EXOC6: variants seen among roughly 807,000 people sequenced by gnomAD.
EXOC6 encodes SEC15-like 1.
A neutral mutation model predicts 112.5 loss-of-function variants in EXOC6; 60 were observed. That is an observed-to-expected ratio of 0.53 (90% CI 0.43 to 0.66). The LOEUF (loss-of-function observed/expected upper bound fraction) is 0.66, where lower values mean the gene tolerates loss of function less well. EXOC6 is among the 30% of genes least tolerant of loss of function. EXOC6 has a pLI of 0.00. For missense variants in EXOC6, 855 were observed against 957.1 expected (o/e 0.89, Z 1.41); for synonymous variants, 295 against 308.0 (o/e 0.96, Z 0.44).
At chr10:92,859,016 C>A (rs565109216) in intron 1 of EXOC6, among the ~76,000 whole-genome samples, 3 of 152,212 alleles carry the variant, frequency 2.0e-5, no homozygotes, top group African/African-American at 7.2e-5. Context: ...CCACCTGCAT[C>A]GGCCTCCCAG....
intron 20 of EXOC6, among the ~76,000 whole-genome samples, chr10:93,018,243 G>A (rs952965720): frequency 1.3e-5 from 2 of 151,884 alleles, no homozygotes; most frequent in African/African-American, 4.8e-5. Flanking sequence ...GGGAAATATG[G>A]ATATTAGATA....
At chr10:92,935,475 A>G (rs1172244430) in intron 11 of EXOC6, among the ~76,000 whole-genome samples, 2 of 152,130 alleles carry the variant, frequency 1.3e-5, no homozygotes, top group African/African-American at 4.8e-5. Context: ...AAAAAGTAAT[A>G]CATAGTGTCT....
intron 19 of EXOC6, among the ~76,000 whole-genome samples, chr10:93,008,489 T>C (rs1844096352): frequency 6.6e-6 from 1 of 152,166 alleles, no homozygotes; most frequent in South Asian, 2.1e-4. Flanking sequence ...ATTTTAAAGA[T>C]GGTCCAAGGG....
At chr10:92,952,769 G>T (rs1239480333) in intron 15 of EXOC6, among the ~76,000 whole-genome samples, 1 of 152,126 alleles carries the variant, frequency 6.6e-6, no homozygotes, top group Non-Finnish European at 1.5e-5. Context: ...TTGCTGCAAA[G>T]GACATGATTT....
In EXOC6 at chr10:93,018,393, A is replaced by C. The variant is rs148945942; in HGVS notation, c.2169+4126A>C. On this transcript the variant is annotated intron_variant, in intron 20 of 21. Coordinates refer to ENST00000260762, the MANE Select transcript of EXOC6 (RefSeq NM_019053.6). The stretch of plus-strand genomic sequence containing the variant: ...ATAAGTTATACATGTTTTCAAAAAA[A>C]CATTAGAATATACAAAAAAGTAGAA... 2.8e-3 allele frequency among the ~76,000 whole-genome samples: 424 copies of C among 152,342 alleles called. 2 individuals are homozygous for C. Among genetic ancestry groups the C allele is most frequent in the African/African-American group, 9.8e-3 (407 of 41,568 alleles).
At chr10:92,849,280 G>C (rs1847211259) in intron 1 of EXOC6, among the ~76,000 whole-genome samples, 1 of 152,194 alleles carries the variant, frequency 6.6e-6, no homozygotes, top group Admixed American at 6.5e-5. Flanking sequence ...CCCTGCGCTC[G>C]CGGGATCTAA....
At chr10:93,054,294 T>C (rs898936043) in intron 20 of EXOC6, among the ~76,000 whole-genome samples, 1 of 152,218 alleles carries the variant, frequency 6.6e-6, no homozygotes, top group Non-Finnish European at 1.5e-5. Flanking sequence ...GGAGTCAATA[T>C]ATGTTGAATA....
At chr10:92,956,271 T>C (rs1370147412) in intron 17 of EXOC6, among the ~76,000 whole-genome samples, 1 of 152,108 alleles carries the variant, frequency 6.6e-6, no homozygotes, top group Admixed American at 6.5e-5. Flanking sequence ...TTTGGAGTCA[T>C]AGATGAGACA....
At chr10:92,904,838 T>A (rs182045991) in intron 5 of EXOC6, among the ~76,000 whole-genome samples, 1 of 152,176 alleles carries the variant, frequency 6.6e-6, no homozygotes, top group Admixed American at 6.5e-5. Flanking sequence ...CCTCATGCAT[T>A]GTGCTTTGGT....
intron 17 of EXOC6, among the ~76,000 whole-genome samples, chr10:92,965,799 A>T (rs1246218956): frequency 6.6e-6 from 1 of 152,190 alleles, no homozygotes; most frequent in Non-Finnish European, 1.5e-5. Context: ...AGCTATAAAG[A>T]TCAGACACAT....
At chr10:92,873,334 A>G (rs1848537593) in intron 1 of EXOC6, among the ~76,000 whole-genome samples, 1 of 152,230 alleles carries the variant, frequency 6.6e-6, no homozygotes, top group Non-Finnish European at 1.5e-5. Context: ...TGTCAGTAAT[A>G]CAGAATGTCA....
At chr10:93,013,901 T>C (rs1844375232) in intron 19 of EXOC6, among the ~76,000 whole-genome samples, 1 of 152,206 alleles carries the variant, frequency 6.6e-6, no homozygotes, top group Non-Finnish European at 1.5e-5. Flanking sequence ...CTTTACTTGA[T>C]TGAAGTACGT....
At chr10:92,883,293 T>C (rs1849053274) in intron 1 of EXOC6, among the ~76,000 whole-genome samples, 1 of 152,220 alleles carries the variant, frequency 6.6e-6, no homozygotes, top group Non-Finnish European at 1.5e-5. Flanking sequence ...ATGATTTTAA[T>C]AGCTTTTGGT....
At chr10:92,898,317 C>T (rs1305211815) in intron 4 of EXOC6, among the ~76,000 whole-genome samples, 1 of 150,756 alleles carries the variant, frequency 6.6e-6, no homozygotes, top group Non-Finnish European at 1.5e-5. Flanking sequence ...GTGGTTCTAA[C>T]TACTGGGGAG....
At chr10:93,046,366 T>G (rs1846001032) in intron 20 of EXOC6, among the ~76,000 whole-genome samples, 1 of 152,164 alleles carries the variant, frequency 6.6e-6, no homozygotes, top group Non-Finnish European at 1.5e-5. Context: ...TAACCTCTAA[T>G]GTCAATATAC....
At chr10:92,892,449 A>G (rs528297198) in intron 1 of EXOC6, among the ~76,000 whole-genome samples, 12 of 152,344 alleles carry the variant, frequency 7.9e-5, no homozygotes. Flanking sequence ...GAGTTTGGTC[A>G]TATAGCCATG....
intron 18 of EXOC6, among the ~76,000 whole-genome samples, chr10:92,992,145 C>T (rs775713192): frequency 7.3e-5 from 11 of 151,570 alleles, no homozygotes; most frequent in East Asian, 1.9e-4. Flanking sequence ...AAAAATTAGC[C>T]GGGCATGATG....
chr10:92,848,561 A>G lies in EXOC6; in HGVS notation c.28A>G (p.Thr10Ala). Reference protein sequence around the residue: MAENSESLGTVPEHERILQE... With the variant: MAENSESLGAVPEHERILQE... Reference sequence around the variant, plus strand: ...GGCGGAGAACAGCGAGAGTCTGGGCACCGTCCCCGAGCACGAGCGGATCTT... The same window carrying G: ...GGCGGAGAACAGCGAGAGTCTGGGCGCCGTCCCCGAGCACGAGCGGATCTT... Residue 10 changes from threonine to alanine, a missense_variant, in exon 1 of 22, where the codon ACC (threonine) becomes GCC (alanine). Around this residue, in one of 2 missense-constraint regions of EXOC6, gnomAD observed 405 missense variants for 393.6 expected, o/e 1.03. Coordinates refer to ENST00000260762, the MANE Select transcript of EXOC6 (RefSeq NM_019053.6). 3.5e-6 allele frequency: 5 copies of G among 1,432,954 alleles called. No individual in the cohort carries two copies. The South Asian group carries it at 4.9e-5, about 14-fold the overall frequency. The allele number at this position is 1,432,954 out of a possible 1,614,324, so 88.8% of individuals were successfully genotyped here. A position where few individuals can be genotyped will look rare whatever the true frequency, so the allele number is the denominator to read the frequency against.
intron 1 of EXOC6, among the ~76,000 whole-genome samples, chr10:92,885,895 G>A (rs987140286): frequency 2.0e-5 from 3 of 151,972 alleles, no homozygotes; most frequent in Admixed American, 6.6e-5. Context: ...TATATATAGA[G>A]CACTAAGGTA....
Sources: gnomAD v4.1 joint callset for allele counts (sites outside exome capture counted in the v4.1 genomes callset) on GRCh38, gnomAD v4.1.1 for gene constraint, gnomAD v4.1.1 regional missense constraint, MANE v1.5 for transcripts, NCBI Gene and HGNC (gene_info 2026-07-23, HGNC 2026-07-21) for gene names.